Variants in CFAP54 observed in about 807,000 individuals in gnomAD.
CFAP54 encodes cilia- and flagella-associated protein 54.
In CFAP54, 290 loss-of-function variants were observed where a neutral mutation model predicts 370.4. That is an observed-to-expected ratio of 0.78 (90% CI 0.71 to 0.86). The LOEUF is 0.86. Among genes scored for constraint, CFAP54 ranks in the 40% least tolerant of loss-of-function variants. The probability of loss-of-function intolerance (pLI) is 0.00; values close to 1 mark genes in which losing one functional copy is unlikely to be tolerated. For synonymous variants in CFAP54, 1,206 were observed against 1,236.5 expected (o/e 0.98, Z 0.52); for missense variants, 3,399 against 3,528.7 (o/e 0.96, Z 0.93).
chr12:96,672,555 G>A (rs1484167636), intron 39 of CFAP54, among the ~76,000 whole-genome samples: 1 of 152,210 alleles, frequency 6.6e-6, no homozygotes, highest in East Asian at 1.9e-4. Flanking sequence ...ATTGGTGACC[G>A]TGAATTTGTA....
chr12:96,626,962 T>C (rs1411073745), intron 30 of CFAP54, 23 bp downstream of exon 30: 1 of 1,285,898 alleles, frequency 7.8e-7, no homozygotes, highest in Non-Finnish European at 9.9e-7. Flanking sequence ...ATCAGTGTTA[T>C]ACATGTTAAC....
intron 38 of CFAP54, among the ~76,000 whole-genome samples, chr12:96,658,696 G>C (rs898375339): frequency 3.9e-5 from 6 of 152,030 alleles, no homozygotes; most frequent in Non-Finnish European, 8.8e-5. Context: ...TATAATCTCA[G>C]CTCACTGCAA....
At chr12:96,674,944 G>T (rs2136540144) in intron 39 of CFAP54, among the ~76,000 whole-genome samples, 1 of 152,234 alleles carries the variant, frequency 6.6e-6, no homozygotes, top group Admixed American at 6.5e-5. Context: ...ATTCGAGATG[G>T]ATTAAAGACT....
chr12:96,583,799 A>G (rs1392080178), intron 22 of CFAP54, among the ~76,000 whole-genome samples: 2 of 152,162 alleles, frequency 1.3e-5, no homozygotes, highest in African/African-American at 2.4e-5. Context: ...TTGGACACCT[A>G]ACATGTGCCA....
intron 14 of CFAP54, 125 bp from the exon 15 acceptor site, chr12:96,547,774 CCTT>C (rs1408754672): frequency 1.2e-5 from 5 of 404,636 alleles, no homozygotes; most frequent in Non-Finnish European, 2.2e-5. Flanking sequence ...TCTGGTCCTT[CCTT>C]CTTCTTTCGT....
At chr12:96,580,889 T>A (rs1483732433) in intron 21 of CFAP54, 31 bp from the exon 22 acceptor site, 1 of 1,366,212 alleles carries the variant, frequency 7.3e-7, no homozygotes, top group East Asian at 2.6e-5. Context: ...TAATTTTTCA[T>A]GTATAACTTG....
At chr12:96,655,269 C>T (rs749439152) in intron 36 of CFAP54, among the ~76,000 whole-genome samples, 13 of 147,884 alleles carry the variant, frequency 8.8e-5, no homozygotes, top group Non-Finnish European at 1.5e-4. Context: ...TAGATTGTTG[C>T]ATTTAAATAC....
intron 26 of CFAP54, among the ~76,000 whole-genome samples, chr12:96,600,517 T>C (rs1956227899): frequency 6.6e-6 from 1 of 152,228 alleles, no homozygotes; most frequent in Admixed American, 6.5e-5. Context: ...TTCCCAATTC[T>C]GTGAAGAAAG....
At chr12:96,539,148 C>T (rs1388293355) in intron 13 of CFAP54, among the ~76,000 whole-genome samples, 1 of 144,610 alleles carries the variant, frequency 6.9e-6, no homozygotes, top group Non-Finnish European at 1.5e-5. Flanking sequence ...GCAACCTCTG[C>T]CTGCCGGGTT....
intron 58 of CFAP54, among the ~76,000 whole-genome samples, chr12:96,759,732 A>G (rs1045822225): frequency 2.0e-5 from 3 of 152,194 alleles, no homozygotes; most frequent in African/African-American, 4.8e-5. Context: ...CTTACTAGCT[A>G]TGTGACTGAG....
intron 50 of CFAP54, among the ~76,000 whole-genome samples, chr12:96,724,727 A>G (rs971813031): frequency 6.6e-6 from 1 of 152,080 alleles, no homozygotes; most frequent in Non-Finnish European, 1.5e-5. Flanking sequence ...TGCTATTGGT[A>G]TTTTAGACAT....
intron 50 of CFAP54, among the ~76,000 whole-genome samples, chr12:96,723,269 C>T (rs568597766): frequency 3.3e-5 from 5 of 152,086 alleles, no homozygotes; most frequent in East Asian, 3.9e-4. Flanking sequence ...GGATGAGCTC[C>T]GTTAGGGGGT....
chr12:96,580,821 A>G, intron 21 of CFAP54, 99 bp from the exon 22 acceptor site: 2 of 1,166,986 alleles, frequency 1.7e-6, no homozygotes, highest in Non-Finnish European at 2.3e-6. Context: ...CAATGAAAGA[A>G]AAAGGTTTTT....
chr12:96,726,627 C>T (rs1426821513), intron 50 of CFAP54, among the ~76,000 whole-genome samples: 2 of 151,662 alleles, frequency 1.3e-5, no homozygotes, highest in Non-Finnish European at 2.9e-5. Flanking sequence ...AAAAAACCAG[C>T]TCCTGGATTC....
chr12:96,848,203 A>G (rs1357515558), intron 66 of CFAP54, among the ~76,000 whole-genome samples: 4 of 151,944 alleles, frequency 2.6e-5, no homozygotes, highest in African/African-American at 9.7e-5. Flanking sequence ...TAGCCTCCCG[A>G]GTAGTTGGCA....
chr12:96,648,788 C>T (rs1474968206), intron 34 of CFAP54, among the ~76,000 whole-genome samples: 2 of 151,932 alleles, frequency 1.3e-5, no homozygotes, highest in South Asian at 2.1e-4. Context: ...CGGGGTTTCA[C>T]TATGTTGGCC....
chr12:96,489,741 C>T lies in CFAP54; in HGVS notation c.132C>T (p.Ser44=), dbSNP rs570178787. ...CAGAGTCGAAGGGGAGCTCCCGGAG[C>T]TCGCTGCTTCAGTGGACCTGCCCCG... ...SPPESKGSSR[S]SLLQWTCPED... Residue 44 remains serine (S), a synonymous_variant, in exon 1 of 68, where the codon AGC becomes AGT. Coordinates refer to ENST00000524981, the MANE Select transcript of CFAP54 (RefSeq NM_001306084.2). 4 of 1,536,118 alleles carry T rather than the reference C, an allele frequency of 2.6e-6. No homozygotes were observed. The South Asian group carries it at 4.8e-5, about 18-fold the overall frequency.
intron 66 of CFAP54, among the ~76,000 whole-genome samples, chr12:96,858,300 T>G (rs1959769579): frequency 6.6e-6 from 1 of 152,226 alleles, no homozygotes; most frequent in Non-Finnish European, 1.5e-5. Context: ...TGTCTTCTTT[T>G]GAAGTGTCTG....
At chr12:96,799,255 C>T (rs558471815) in intron 63 of CFAP54, among the ~76,000 whole-genome samples, 53 of 152,304 alleles carry the variant, frequency 3.5e-4, no homozygotes, top group Admixed American at 3.5e-3. Context: ...TAGCCTTTCA[C>T]AGAGGGACAT....
Sources: allele counts gnomAD v4.1 joint callset (sites outside exome capture counted in the v4.1 genomes callset), GRCh38; gene constraint gnomAD v4.1.1; transcripts MANE v1.5; gene names NCBI Gene and HGNC (gene_info 2026-07-23, HGNC 2026-07-21).